The following STXBP5 variants were observed in gnomAD, a reference collection of about 807,000 sequenced individuals.
STXBP5 encodes the protein syntaxin binding protein 5, also known as syntaxin-binding protein 5.
STXBP5 carries 50 observed loss-of-function variants against 152.4 expected under a neutral mutation model. That is an observed-to-expected ratio of 0.33 (90% CI 0.26 to 0.42). The LOEUF is 0.42. Ranked by LOEUF, STXBP5 falls within the 10% of genes least tolerant of loss-of-function variation. The pLI, the probability that STXBP5 is intolerant of heterozygous loss-of-function variation, is 1.00. For missense variants in STXBP5, 1,167 were observed against 1,388.6 expected (o/e 0.84, Z 2.54); for synonymous variants, 492 against 494.7 (o/e 0.99, Z 0.07).
At chr6:147,273,238 C>T (rs1453066111) in intron 7 of STXBP5, among the ~76,000 whole-genome samples, 1 of 148,248 alleles carries the variant, frequency 6.7e-6, no homozygotes, top group Non-Finnish European at 1.5e-5. Context: ...GTAGCATGTA[C>T]CTGTAGTCCT....
At chr6:147,361,527 T>A (rs778655726) in intron 23 of STXBP5, among the ~76,000 whole-genome samples, 8 of 152,146 alleles carry the variant, frequency 5.3e-5, no homozygotes, top group Non-Finnish European at 8.8e-5. Flanking sequence ...AAGAAAGAGA[T>A]GTTTTCAGGC....
intron 22 of STXBP5, among the ~76,000 whole-genome samples, chr6:147,356,091 T>C (rs1784803551): frequency 6.6e-6 from 1 of 152,172 alleles, no homozygotes; most frequent in Non-Finnish European, 1.5e-5. Context: ...GTAATCTAAT[T>C]TTTATAGATA....
chr6:147,248,641 C>T (rs548711278), intron 4 of STXBP5, among the ~76,000 whole-genome samples: 1 of 152,262 alleles, frequency 6.6e-6, no homozygotes, highest in African/African-American at 2.4e-5. Flanking sequence ...CTCCATGACC[C>T]AGCAATTTTA....
In STXBP5 at chr6:147,386,714, C is replaced by T. The variant is rs1786356019; in HGVS notation, c.*1959C>T. 1 of 151,734 alleles carries T rather than the reference C, an allele frequency of 6.6e-6. No individual in the cohort carries two copies. Among genetic ancestry groups the T allele is most frequent in the South Asian group, 2.1e-4 (1 of 4,826 alleles). The allele number at this position is 151,734 out of a possible 1,614,324, so 9.4% of individuals were successfully genotyped here. A position where few individuals can be genotyped will look rare whatever the true frequency, so the allele number is the denominator to read the frequency against. On this transcript the variant is annotated 3_prime_UTR_variant, in exon 28 of 28. Coordinates refer to ENST00000321680, the MANE Select transcript of STXBP5 (RefSeq NM_001127715.4). ...AAACCCATAGTTCCATGATATGTCA[C>T]AGGAATTGTTAGGTCCTATTTTAAA...
At chr6:147,250,619 A>G (rs1168423018) in intron 4 of STXBP5, among the ~76,000 whole-genome samples, 2 of 152,166 alleles carry the variant, frequency 1.3e-5, no homozygotes, top group Non-Finnish European at 2.9e-5. Flanking sequence ...AACAGTAACC[A>G]GTAACCTATA....
chr6:147,285,768 C>T (rs1043204026), intron 8 of STXBP5, among the ~76,000 whole-genome samples: 1 of 151,804 alleles, frequency 6.6e-6, no homozygotes, highest in African/African-American at 2.4e-5. Flanking sequence ...GGCTTGGAAG[C>T]GTTTAGCAAA....
intron 16 of STXBP5, among the ~76,000 whole-genome samples, chr6:147,323,521 A>T (rs1319338818): frequency 6.6e-6 from 1 of 151,876 alleles, no homozygotes; most frequent in Non-Finnish European, 1.5e-5. Context: ...CCTCCCGAGT[A>T]GCTGGGATTG....
chr6:147,228,004 G>C lies in STXBP5; in HGVS notation c.249-7246G>C, dbSNP rs1459287657. ...GGAGCCCTCTTGTTCTCATGAACCT[G>C]CCTCCAGTGAATACCTCCTTGTTCT... On this transcript the variant is annotated intron_variant, in intron 2 of 27. Coordinates refer to ENST00000321680, the MANE Select transcript of STXBP5 (RefSeq NM_001127715.4). Among the ~76,000 whole-genome samples the C allele has an allele frequency of 2.0e-5, 3 of 152,148 alleles. No individual in the cohort carries two copies. In the South Asian group the frequency reaches 6.2e-4, roughly 32 times the overall value.
chr6:147,326,743 A>G (rs1034387195), intron 17 of STXBP5, among the ~76,000 whole-genome samples: 18 of 152,184 alleles, frequency 1.2e-4, no homozygotes, highest in African/African-American at 4.1e-4. Flanking sequence ...CTTACCCCAA[A>G]GTATAATCTC....
chr6:147,335,742 A>G (rs1475308876), intron 19 of STXBP5, among the ~76,000 whole-genome samples: 1 of 152,130 alleles, frequency 6.6e-6, no homozygotes, highest in Non-Finnish European at 1.5e-5. Flanking sequence ...CGGAGCCTGC[A>G]GTGAGCCGAG....
At position 147,363,336 on chromosome 6, in the gene STXBP5, T is replaced by A; in HGVS notation, c.2547T>A (p.Gly849=). Residue 849 remains glycine, a splice_region_variant and synonymous_variant, in exon 24 of 28, where the codon GGT becomes GGA. Transcript: ENST00000321680. The part of the protein sequence containing the change: ...LLQPVIVSPS[G]TILRLKGAIL... The stretch of plus-strand genomic sequence containing the variant: ...ATTTACTAGACTTCTATATTTTAGG[T>A]ACTATATTGAGGTTAAAAGGTGCAA... The A allele has an allele frequency of 6.4e-7, 1 of 1,570,242 alleles. No individual in the cohort carries two copies.
At chr6:147,231,313 T>C (rs886769072) in intron 2 of STXBP5, among the ~76,000 whole-genome samples, 3 of 151,852 alleles carry the variant, frequency 2.0e-5, no homozygotes, top group Non-Finnish European at 4.4e-5. Flanking sequence ...GTCACATACA[T>C]CTTCTCTTCA....
At chr6:147,296,624 G>A (rs1040881933) in intron 9 of STXBP5, among the ~76,000 whole-genome samples, 4 of 152,044 alleles carry the variant, frequency 2.6e-5, no homozygotes, top group Non-Finnish European at 5.9e-5. Context: ...TTCAGTGACA[G>A]AATCCAAAGA....
chr6:147,378,177 A>G (rs550478204), intron 26 of STXBP5, among the ~76,000 whole-genome samples: 11 of 152,160 alleles, frequency 7.2e-5, no homozygotes, highest in African/African-American at 2.6e-4. Context: ...CTCTCACACA[A>G]ACTCTTCCAA....
chr6:147,299,041 A>G (rs985584431), intron 9 of STXBP5, among the ~76,000 whole-genome samples: 1 of 152,022 alleles, frequency 6.6e-6, no homozygotes, highest in East Asian at 1.9e-4. Flanking sequence ...CAGTTTGTAC[A>G]AAATAGAGAC....
chr6:147,210,819 CATTATTATTAT>C (rs1289179314), intron 2 of STXBP5, among the ~76,000 whole-genome samples: 1 of 152,178 alleles, frequency 6.6e-6, no homozygotes, highest in Admixed American at 6.5e-5. Flanking sequence ...ATGATTATTA[CATTATTATTAT>C]AATACATGAT....
chr6:147,214,388 T>G (rs1777053392), intron 2 of STXBP5, among the ~76,000 whole-genome samples: 1 of 152,200 alleles, frequency 6.6e-6, no homozygotes, highest in African/African-American at 2.4e-5. Context: ...CTTATCTTTT[T>G]TCTTTTGGCC....
At position 147,328,546 on chromosome 6, in the gene STXBP5, CTG is replaced by C. The variant is rs542716561; in HGVS notation, c.2080+1271_2080+1272del. ...CCTTTCTGTTACTTTGGCTTGATGA[CTG>C]AATTTTTCTTTCCAAAGTTTTGTTT... On this transcript the variant is annotated intron_variant, in intron 18 of 27. Coordinates refer to ENST00000321680, the MANE Select transcript of STXBP5 (RefSeq NM_001127715.4). Among the ~76,000 whole-genome samples, 433 of 152,196 alleles carry C rather than the reference CTG, an allele frequency of 2.8e-3. 4 individuals carry two copies. Among genetic ancestry groups the C allele is most frequent in the Non-Finnish European group, 4.8e-3 (326 of 68,010 alleles).
At chr6:147,295,769 A>G (rs1055327570) in intron 9 of STXBP5, among the ~76,000 whole-genome samples, 2 of 152,288 alleles carry the variant, frequency 1.3e-5, no homozygotes, top group South Asian at 4.1e-4. Flanking sequence ...CAGTTTGTAG[A>G]GCCTCAAGGA....
Sources: gnomAD v4.1 joint callset for allele counts (sites outside exome capture counted in the v4.1 genomes callset) on GRCh38, gnomAD v4.1.1 for gene constraint, MANE v1.5 for transcripts, NCBI Gene and HGNC (gene_info 2026-07-23, HGNC 2026-07-21) for gene names.